The following NRXN3 variants were observed in gnomAD, a reference collection of about 807,000 sequenced individuals.
NRXN3 encodes the protein neurexin 3, also known as neurexin III.
A neutral mutation model predicts 137.6 loss-of-function variants in NRXN3; 32 were observed. That is an observed-to-expected ratio of 0.23 (90% CI 0.18 to 0.31). NRXN3 has a LOEUF of 0.31. Among genes scored for constraint, NRXN3 ranks in the 10% least tolerant of loss-of-function variants. The pLI, the probability that NRXN3 is intolerant of heterozygous loss-of-function variation, is 1.00. For synonymous variants in NRXN3, 798 were observed against 784.5 expected, an observed-to-expected ratio of 1.02 and a Z score of -0.29; for missense variants, 1,574 against 2,062.5, an observed-to-expected ratio of 0.76 and a Z score of 4.59.
intron 10 of NRXN3, among the ~76,000 whole-genome samples, chr14:78,816,018 C>A (rs931599935): frequency 6.6e-6 from 1 of 152,140 alleles, no homozygotes; most frequent in African/African-American, 2.4e-5. Context: ...TTTCTATCTT[C>A]ATAACGCATA....
intron 15 of NRXN3, among the ~76,000 whole-genome samples, chr14:79,088,960 T>C (rs1484410691): frequency 6.6e-6 from 1 of 152,174 alleles, no homozygotes; most frequent in Non-Finnish European, 1.5e-5. Context: ...GCTAAGCCCT[T>C]TAATGATAAT....
intron 8 of NRXN3, among the ~76,000 whole-genome samples, chr14:78,778,677 C>CT (rs747057755): frequency 8.4e-6 from 1 of 119,202 alleles, no homozygotes; most frequent in Non-Finnish European, 1.8e-5. Flanking sequence ...TTTCTCTTTT[C>CT]TTTTCTTTCT....
At chr14:78,902,000 T>C (rs2099198009) in intron 10 of NRXN3, among the ~76,000 whole-genome samples, 1 of 152,154 alleles carries the variant, frequency 6.6e-6, no homozygotes, top group African/African-American at 2.4e-5. Flanking sequence ...GGGCTGGAAA[T>C]AGGGACTGAG....
At chr14:79,150,346 C>A (rs554294401) in intron 15 of NRXN3, among the ~76,000 whole-genome samples, 1 of 152,032 alleles carries the variant, frequency 6.6e-6, no homozygotes, top group African/African-American at 2.4e-5. Context: ...TCCGCCCCCA[C>A]CCCCACCTCT....
chr14:79,525,725 A>G (rs2097112432), intron 16 of NRXN3, among the ~76,000 whole-genome samples: 1 of 152,226 alleles, frequency 6.6e-6, no homozygotes, highest in African/African-American at 2.4e-5. Flanking sequence ...CATCATTAAC[A>G]TTAAGTTTTA....
chr14:78,318,763 A>G (rs1210557071), intron 4 of NRXN3, among the ~76,000 whole-genome samples: 1 of 152,162 alleles, frequency 6.6e-6, no homozygotes, highest in African/African-American at 2.4e-5. Flanking sequence ...CTAGGGTGCA[A>G]CAACTGGAAG....
intron 4 of NRXN3, among the ~76,000 whole-genome samples, chr14:78,511,600 A>G (rs905441723): frequency 1.3e-5 from 2 of 152,154 alleles, no homozygotes; most frequent in African/African-American, 4.8e-5. Flanking sequence ...GATTTTGCAT[A>G]TATATTTTTC....
chr14:78,725,490 C>G (rs2098478903), intron 8 of NRXN3, among the ~76,000 whole-genome samples: 1 of 152,232 alleles, frequency 6.6e-6, no homozygotes, highest in African/African-American at 2.4e-5. Flanking sequence ...TGTCTCTGAT[C>G]TCTTTGTCCC....
chr14:79,417,265 T>A (rs1381106914), intron 15 of NRXN3, among the ~76,000 whole-genome samples: 2 of 152,198 alleles, frequency 1.3e-5, no homozygotes, highest in Admixed American at 6.6e-5. Context: ...TATAATGATG[T>A]TATCATTGTT....
chr14:79,270,952 A>G (rs1000803168), intron 15 of NRXN3, among the ~76,000 whole-genome samples: 2 of 152,188 alleles, frequency 1.3e-5, no homozygotes, highest in Non-Finnish European at 2.9e-5. Flanking sequence ...GCTTAATAAC[A>G]CTTTGTACCT....
chr14:79,517,203 A>C (rs1248825206), intron 16 of NRXN3, among the ~76,000 whole-genome samples: 1 of 150,742 alleles, frequency 6.6e-6, no homozygotes, highest in Non-Finnish European at 1.5e-5. Flanking sequence ...ATTTCAGTGT[A>C]GTTTTATTTT....
At chr14:78,546,554 T>C (rs2096638257) in intron 4 of NRXN3, among the ~76,000 whole-genome samples, 1 of 152,236 alleles carries the variant, frequency 6.6e-6, no homozygotes, top group Non-Finnish European at 1.5e-5. Context: ...TAGAGAATGT[T>C]TTCCCCGTCC....
At chr14:79,400,180 C>G (rs2095152349) in intron 15 of NRXN3, among the ~76,000 whole-genome samples, 1 of 152,154 alleles carries the variant, frequency 6.6e-6, no homozygotes, top group Non-Finnish European at 1.5e-5. Flanking sequence ...ATTGTTCAAC[C>G]CAGCACAACC....
chr14:78,970,642 T>C (rs1233521354), intron 14 of NRXN3, among the ~76,000 whole-genome samples: 2 of 152,158 alleles, frequency 1.3e-5, no homozygotes, highest in African/African-American at 4.8e-5. Flanking sequence ...GAGAATGACC[T>C]CACTTAAGAG....
At chr14:79,036,699 C>T (rs1469054386) in intron 15 of NRXN3, among the ~76,000 whole-genome samples, 2 of 145,058 alleles carry the variant, frequency 1.4e-5, no homozygotes, top group Admixed American at 7.2e-5. Context: ...TAACGACAGT[C>T]CCGAAGGAAC....
chr14:79,133,167 A>G (rs1277358918), intron 15 of NRXN3, among the ~76,000 whole-genome samples: 1 of 152,218 alleles, frequency 6.6e-6, no homozygotes, highest in Non-Finnish European at 1.5e-5. Context: ...AAGATTTCCC[A>G]TGAAGATATT....
At chr14:78,846,368 C>T (rs562977297) in intron 10 of NRXN3, among the ~76,000 whole-genome samples, 13 of 152,166 alleles carry the variant, frequency 8.5e-5, no homozygotes, top group Admixed American at 5.2e-4. Context: ...TCAGGTCTGC[C>T]AGTTGCAAAG....
chr14:78,199,845 A>G (rs1273141662), intron 1 of NRXN3, among the ~76,000 whole-genome samples: 1 of 152,104 alleles, frequency 6.6e-6, no homozygotes, highest in Non-Finnish European at 1.5e-5. Context: ...AAGCATTCCA[A>G]CCTGCCGTGA....
intron 15 of NRXN3, among the ~76,000 whole-genome samples, chr14:79,040,152 C>T (rs1162714171): frequency 6.6e-6 from 1 of 152,114 alleles, no homozygotes; most frequent in Non-Finnish European, 1.5e-5. Context: ...TATTGGTTAC[C>T]TTGTTAAATG....
Sources: gnomAD v4.1 joint callset for allele counts (sites outside exome capture counted in the v4.1 genomes callset) on GRCh38, gnomAD v4.1.1 for gene constraint, MANE v1.5 for transcripts, NCBI Gene and HGNC (gene_info 2026-07-23, HGNC 2026-07-21) for gene names.